REV1: variants seen among roughly 807,000 people sequenced by gnomAD.
REV1 encodes REV1 DNA directed polymerase, also known as translesion synthesis protein REV1.
A neutral mutation model predicts 137.4 loss-of-function variants in REV1; 42 were observed. The ratio of observed to expected loss-of-function variants is 0.31; its 90% CI spans 0.24 to 0.40. The LOEUF is 0.40. Among genes scored for constraint, REV1 ranks in the 10% least tolerant of loss-of-function variants. REV1 has a pLI of 1.00. For missense variants in REV1, 1,282 were observed against 1,490.1 expected, an observed-to-expected ratio of 0.86 and a Z score of 2.30; for synonymous variants, 524 against 519.2, an observed-to-expected ratio of 1.01 and a Z score of -0.12.
chr2:99,435,583 T>C (rs1220543471), intron 7 of REV1: 1 of 269,740 alleles, frequency 3.7e-6, no homozygotes, highest in Admixed American at 5.4e-5. Flanking sequence ...CCAATACAGA[T>C]CCTGCCTACA....
intron 1 of REV1, among the ~76,000 whole-genome samples, chr2:99,488,564 C>G (rs569830335): frequency 2.0e-5 from 1 of 49,790 alleles, no homozygotes; most frequent in African/African-American, 6.7e-5. Flanking sequence ...GCCTTGTATA[C>G]TGGAGAATGA....
intron 17 of REV1, 101 bp from the exon 18 acceptor site, chr2:99,404,778 G>A: frequency 2.5e-6 from 2 of 803,940 alleles, no homozygotes; most frequent in South Asian, 3.1e-5. Context: ...GAATACTGTG[G>A]ATAATCAATG....
chr2:99,419,948 A>C (rs1279960881), intron 11 of REV1, among the ~76,000 whole-genome samples: 2 of 152,260 alleles, frequency 1.3e-5, no homozygotes, highest in Non-Finnish European at 2.9e-5. Flanking sequence ...AAATGATAAA[A>C]GTAGTGAGTT....
At chr2:99,435,413 T>G (rs1023375869) in intron 7 of REV1, 4 of 153,242 alleles carry the variant, frequency 2.6e-5, no homozygotes, top group Non-Finnish European at 5.8e-5. Context: ...TGCAAAACTA[T>G]CCTACAATCA....
Position 99,401,246 on chromosome 2 carries a change from T to C in REV1, c.3751A>G (p.Thr1251Ala), listed in dbSNP as rs1294810159. Residue 1251 changes from threonine (T) to alanine (A), a missense_variant, in exon 23 of 23, where the codon ACA becomes GCA. Coordinates refer to ENST00000258428, the MANE Select transcript of REV1 (RefSeq NM_016316.4). The stretch of plus-strand genomic sequence containing the variant: ...ATCAGGCTCTCTGGTAATATTTATG[T>C]AACTTTTAATGTGCTTCCATAAGTT... ...QQTYGSTLKVT is the reference protein window; with the variant it reads ...QQTYGSTLKVA 2 of 1,596,044 alleles carry C rather than the reference T, an allele frequency of 1.3e-6. No individual in the cohort carries two copies. Among genetic ancestry groups the C allele is most frequent in the Non-Finnish European group, 1.7e-6 (2 of 1,163,780 alleles).
chr2:99,476,177 T>C (rs991019287), intron 1 of REV1, among the ~76,000 whole-genome samples: 3 of 152,234 alleles, frequency 2.0e-5, no homozygotes, highest in African/African-American at 7.2e-5. Flanking sequence ...TGTTTGGCCT[T>C]TGCCCTTGGT....
At chr2:99,412,516 A>G (rs1164883546) in intron 13 of REV1, among the ~76,000 whole-genome samples, 2 of 152,168 alleles carry the variant, frequency 1.3e-5, no homozygotes, top group African/African-American at 2.4e-5. Context: ...ATCTTTTAGT[A>G]TATTTCCCCA....
intron 3 of REV1, among the ~76,000 whole-genome samples, chr2:99,459,024 C>G (rs182980184): frequency 3.3e-5 from 5 of 151,934 alleles, no homozygotes; most frequent in Non-Finnish European, 7.4e-5. Context: ...CTGGCTAACA[C>G]GGTGAAACCC....
chr2:99,413,134 G>A (rs935869066), intron 12 of REV1, among the ~76,000 whole-genome samples, 183 bp from the exon 13 acceptor site: 1 of 152,172 alleles, frequency 6.6e-6, no homozygotes. Context: ...GCTAGTAGAT[G>A]TATTTCTAGA....
At chr2:99,437,743 G>A (rs1680941793) in intron 6 of REV1, among the ~76,000 whole-genome samples, 1 of 151,652 alleles carries the variant, frequency 6.6e-6, no homozygotes, top group Non-Finnish European at 1.5e-5. Flanking sequence ...AGGTAACAAG[G>A]CCAAGACATG....
chr2:99,452,359 T>A (rs1575147274), intron 3 of REV1, among the ~76,000 whole-genome samples: 1 of 150,628 alleles, frequency 6.6e-6, no homozygotes, highest in South Asian at 2.1e-4. Context: ...AGAGGCAGAG[T>A]TTGTAGTAAG....
At position 99,439,075 on chromosome 2, in the gene REV1, T is replaced by C; in HGVS notation, c.739A>G (p.Asn247Asp). 6.2e-7 allele frequency: 1 copy of C among 1,614,120 alleles called. No homozygotes were observed. The highest frequency in any genetic ancestry group is 8.5e-7 in the Non-Finnish European group (1 of 1,179,994). The change falls in exon 6 of 23, where the codon AAC (asparagine) becomes GAC (aspartate). Residue 247 changes from asparagine (N) to aspartate (D), a missense_variant. Physicochemically the swap from Asn to Asp is conservative, Grantham distance 23. Around this residue, in one of 7 missense-constraint regions of REV1, gnomAD observed 432 missense variants for 438.0 expected, o/e 0.99. Coordinates refer to ENST00000258428, the MANE Select transcript of REV1 (RefSeq NM_016316.4). ...KTQDCLVPMV[N>D]SVASRLSPAF... ...GGAGAAAGCCTGCTGGCAACACTGT[T>C]GACCATGGGCACCAAGCAATCCTGT...
At chr2:99,431,618 A>G in intron 8 of REV1, 1 of 572,808 alleles carries the variant, frequency 1.7e-6, no homozygotes, top group Non-Finnish European at 2.2e-6. Context: ...TATCTAAGAT[A>G]TTGTCTTGAA....
chr2:99,417,907 T>A (rs1046309206), intron 12 of REV1, among the ~76,000 whole-genome samples: 4 of 152,336 alleles, frequency 2.6e-5, no homozygotes, highest in Admixed American at 2.6e-4. Context: ...CTAGTTTGAT[T>A]TTATAAAGTA....
At chr2:99,451,334 A>G in intron 3 of REV1, 2 of 1,235,078 alleles carry the variant, frequency 1.6e-6, no homozygotes, top group South Asian at 2.9e-5. Context: ...ACATACTCAT[A>G]AAGTACTCAC....
chr2:99,476,215 C>A (rs1685957248), intron 1 of REV1, among the ~76,000 whole-genome samples: 1 of 152,088 alleles, frequency 6.6e-6, no homozygotes, highest in African/African-American at 2.4e-5. Context: ...TTCTTTTCCC[C>A]CCCTTCACAT....
rs181884448 is a variant in REV1 at position 99,442,145 on chromosome 2, G to A, written c.503+172C>T. On this transcript the variant is annotated intron_variant, in intron 5 of 22. Coordinates refer to ENST00000258428, the MANE Select transcript of REV1 (RefSeq NM_016316.4). ...CACACGCCTGTAAGCCTAGCTACTC[G>A]GGAGGCTGAGGCAGGAGAATCACTT... Among the ~76,000 whole-genome samples the A allele has an allele frequency of 4.0e-3, 614 of 151,612 alleles. 6 individuals are homozygous for A. Among genetic ancestry groups the A allele is most frequent in the African/African-American group, 0.014 (584 of 41,300 alleles).
At chr2:99,479,308 C>T (rs1251079841) in intron 1 of REV1, among the ~76,000 whole-genome samples, 1 of 126,460 alleles carries the variant, frequency 7.9e-6, no homozygotes, top group Non-Finnish European at 1.6e-5. Context: ...GCCTGGGTGA[C>T]AGAGCGAGAC....
At chr2:99,463,612 T>G (rs192469944) in intron 2 of REV1, among the ~76,000 whole-genome samples, 1 of 152,180 alleles carries the variant, frequency 6.6e-6, no homozygotes, top group African/African-American at 2.4e-5. Flanking sequence ...ATTTGACAAG[T>G]GGTCTCAGAG....
Sources: allele counts gnomAD v4.1 joint callset (sites outside exome capture counted in the v4.1 genomes callset), GRCh38; gene constraint gnomAD v4.1.1; regional missense constraint gnomAD v4.1.1; transcripts MANE v1.5; gene names NCBI Gene and HGNC (gene_info 2026-07-23, HGNC 2026-07-21).